NLGN1: variants seen among roughly 807,000 people sequenced by gnomAD.
The protein encoded by NLGN1 is neuroligin-1.
Under a neutral mutation model 65.5 loss-of-function variants are expected in NLGN1, and 12 were observed. That is an observed-to-expected ratio of 0.18 (90% CI 0.12 to 0.30). The LOEUF is 0.30. NLGN1 is among the 10% of genes least tolerant of loss of function. NLGN1 has a pLI of 1.00. For missense variants in NLGN1, 750 were observed against 1,007.1 expected (o/e 0.74, Z 3.46); for synonymous variants, 350 against 359.5 (o/e 0.97, Z 0.30).
intron 4 of NLGN1, among the ~76,000 whole-genome samples, chr3:173,934,699 C>T (rs994795991): frequency 3.9e-5 from 6 of 151,906 alleles, no homozygotes; most frequent in Middle Eastern, 3.2e-3. Context: ...TATGAGTATT[C>T]TCAAAGTATT....
intron 4 of NLGN1, among the ~76,000 whole-genome samples, chr3:174,201,904 A>AT (rs1420998381): frequency 6.6e-6 from 1 of 151,650 alleles, no homozygotes; most frequent in African/African-American, 2.4e-5. Context: ...TTGAAGGCAG[A>AT]TTTTTTTCCT....
At chr3:173,860,222 T>C (rs9820867) in intron 4 of NLGN1, among the ~76,000 whole-genome samples, 2,732 of 152,210 alleles carry the variant, frequency 0.018, 65 homozygotes, top group Middle Eastern at 0.065. Context: ...AAATACTGTT[T>C]TACATGTGTC....
intron 3 of NLGN1, among the ~76,000 whole-genome samples, chr3:173,802,945 C>G (rs1341767078): frequency 6.6e-6 from 1 of 151,756 alleles, no homozygotes; most frequent in African/African-American, 2.4e-5. Flanking sequence ...TTCAAGCAAG[C>G]AATTCTCCTG....
intron 2 of NLGN1, among the ~76,000 whole-genome samples, chr3:173,554,309 C>A (rs1228853135): frequency 6.6e-6 from 1 of 152,142 alleles, no homozygotes; most frequent in Non-Finnish European, 1.5e-5. Flanking sequence ...TATTTTCAGA[C>A]TAAATCTACA....
chr3:173,631,085 G>A (rs1755616063), intron 3 of NLGN1, among the ~76,000 whole-genome samples: 1 of 151,964 alleles, frequency 6.6e-6, no homozygotes, highest in Admixed American at 6.6e-5. Context: ...TAACTGTGTG[G>A]GTAGTTTCAG....
At chr3:174,109,037 A>C (rs1714612680) in intron 4 of NLGN1, among the ~76,000 whole-genome samples, 1 of 152,076 alleles carries the variant, frequency 6.6e-6, no homozygotes, top group Non-Finnish European at 1.5e-5. Flanking sequence ...TATAAATTTT[A>C]AAGAACTATT....
At chr3:174,193,480 G>C (rs567099772) in intron 4 of NLGN1, among the ~76,000 whole-genome samples, 84 of 152,242 alleles carry the variant, frequency 5.5e-4, no homozygotes, top group Non-Finnish European at 9.3e-4. Context: ...TGAACTGCGA[G>C]GTTTCAAGGA....
At chr3:173,510,095 AG>A (rs1204631489) in intron 2 of NLGN1, among the ~76,000 whole-genome samples, 1 of 152,214 alleles carries the variant, frequency 6.6e-6, no homozygotes, top group African/African-American at 2.4e-5. Flanking sequence ...CTCCACTTGC[AG>A]GATCAAAATG....
intron 4 of NLGN1, among the ~76,000 whole-genome samples, chr3:174,167,612 C>CT (rs1225678823): frequency 1.1e-4 from 16 of 145,946 alleles, no homozygotes; most frequent in African/African-American, 3.8e-4. Context: ...TTTTTTTTAA[C>CT]CTAGTTGCCC....
chr3:174,107,922 C>G (rs534688755), intron 4 of NLGN1, among the ~76,000 whole-genome samples: 2 of 152,120 alleles, frequency 1.3e-5, no homozygotes, highest in African/African-American at 4.8e-5. Flanking sequence ...TTGCTATCAA[C>G]ATATCCTATT....
intron 2 of NLGN1, among the ~76,000 whole-genome samples, chr3:173,442,563 T>C (rs1719406250): frequency 6.6e-6 from 1 of 152,198 alleles, no homozygotes; most frequent in African/African-American, 2.4e-5. Context: ...GGGATGTTTG[T>C]ATTGAAAGGT....
intron 3 of NLGN1, among the ~76,000 whole-genome samples, chr3:173,783,648 T>C (rs1781520069): frequency 6.6e-6 from 1 of 152,234 alleles, no homozygotes. Context: ...GGAATCTTGC[T>C]CTGTCGCCTA....
chr3:174,082,193 C>T (rs184038748), intron 4 of NLGN1, among the ~76,000 whole-genome samples: 6 of 152,174 alleles, frequency 3.9e-5, no homozygotes, highest in African/African-American at 7.2e-5. Flanking sequence ...GCCTTCCATC[C>T]GAGGATTCTC....
At chr3:173,444,571 C>T (rs1410848710) in intron 2 of NLGN1, among the ~76,000 whole-genome samples, 1 of 152,126 alleles carries the variant, frequency 6.6e-6, no homozygotes, top group East Asian at 1.9e-4. Context: ...TATATATATT[C>T]ACTATTTTAC....
At chr3:174,046,143 A>C (rs535483722) in intron 4 of NLGN1, among the ~76,000 whole-genome samples, 3 of 152,330 alleles carry the variant, frequency 2.0e-5, no homozygotes, top group African/African-American at 7.2e-5. Context: ...CTATTTTGCA[A>C]GAGCATGTAA....
At chr3:173,566,535 T>C (rs1743699401) in intron 2 of NLGN1, among the ~76,000 whole-genome samples, 1 of 152,178 alleles carries the variant, frequency 6.6e-6, no homozygotes, top group African/African-American at 2.4e-5. Context: ...CTTTCTGAAA[T>C]ATTCTCGCTC....
chr3:173,988,314 C>T (rs181855441), intron 4 of NLGN1, among the ~76,000 whole-genome samples: 6 of 152,208 alleles, frequency 3.9e-5, no homozygotes, highest in Admixed American at 2.0e-4. Flanking sequence ...TGTTTAAATG[C>T]TTTTTCTTTG....
intron 4 of NLGN1, among the ~76,000 whole-genome samples, chr3:173,828,736 A>G (rs1234443601): frequency 6.6e-6 from 1 of 152,096 alleles, no homozygotes; most frequent in African/African-American, 2.4e-5. Flanking sequence ...GATGTGAGAA[A>G]ATATATCATG....
At chr3:173,474,163 T>C (rs1725791947) in intron 2 of NLGN1, among the ~76,000 whole-genome samples, 1 of 152,146 alleles carries the variant, frequency 6.6e-6, no homozygotes. Context: ...TGTTTTTCTT[T>C]CTCTTCCTCC....
Sources: gnomAD v4.1 joint callset for allele counts (sites outside exome capture counted in the v4.1 genomes callset) on GRCh38, gnomAD v4.1.1 for gene constraint, MANE v1.5 for transcripts, NCBI Gene and HGNC (gene_info 2026-07-23, HGNC 2026-07-21) for gene names.